The following SHROOM3 variants were observed in gnomAD, a reference collection of about 807,000 sequenced individuals.
The protein encoded by SHROOM3 is protein Shroom3.
A neutral mutation model predicts 138.6 loss-of-function variants in SHROOM3; 47 were observed. The ratio of observed to expected loss-of-function variants is 0.34; its 90% confidence interval spans 0.27 to 0.43. The LOEUF is 0.43. Among genes scored for constraint, SHROOM3 ranks in the 20% least tolerant of loss-of-function variants. The pLI is 1.00. For synonymous variants in SHROOM3, 1,062 were observed against 1,063.3 expected, an observed-to-expected ratio of 1.00 and a Z score of 0.02; for missense variants, 2,491 against 2,596.5, an observed-to-expected ratio of 0.96 and a Z score of 0.88.
At chr4:76,585,249 AT>A (rs1417846533) in intron 2 of SHROOM3, among the ~76,000 whole-genome samples, 2 of 152,250 alleles carry the variant, frequency 1.3e-5, no homozygotes, top group African/African-American at 4.8e-5. Flanking sequence ...GTGCCTAAAA[AT>A]AACCTGCAAA....
At chr4:76,765,341 C>T (rs1722118309) in intron 9 of SHROOM3, among the ~76,000 whole-genome samples, 1 of 148,446 alleles carries the variant, frequency 6.7e-6, no homozygotes, top group Non-Finnish European at 1.5e-5. Context: ...ATGGTGAAAC[C>T]CCATCTCTAC....
chr4:76,479,916 C>T (rs899272040), intron 1 of SHROOM3, among the ~76,000 whole-genome samples: 4 of 152,244 alleles, frequency 2.6e-5, no homozygotes, highest in South Asian at 4.2e-4. Context: ...CCTTTACAGA[C>T]GAGCAACTGC....
chr4:76,672,757 A>G (rs747694954), intron 2 of SHROOM3, among the ~76,000 whole-genome samples: 1 of 152,094 alleles, frequency 6.6e-6, no homozygotes, highest in East Asian at 1.9e-4. Flanking sequence ...TATTTTTAGT[A>G]AAGACAGGGT....
intron 2 of SHROOM3, among the ~76,000 whole-genome samples, chr4:76,662,939 G>A (rs1337850211): frequency 6.6e-6 from 1 of 151,364 alleles, no homozygotes; most frequent in Non-Finnish European, 1.5e-5. Context: ...GGGAGAGGGA[G>A]GGAGAGAGGG....
chr4:76,523,901 G>A (rs944690305), intron 1 of SHROOM3, among the ~76,000 whole-genome samples: 5 of 152,224 alleles, frequency 3.3e-5, no homozygotes, highest in Non-Finnish European at 5.9e-5. Context: ...GCTGGAGAGA[G>A]GCAGGAAGCC....
At chr4:76,565,767 CAG>C (rs1472993716) in intron 2 of SHROOM3, among the ~76,000 whole-genome samples, 5 of 152,140 alleles carry the variant, frequency 3.3e-5, no homozygotes, top group Admixed American at 6.5e-5. Context: ...AGTCCAGCCT[CAG>C]AGAGTCTAAT....
At chr4:76,708,238 A>T (rs1234394839) in intron 2 of SHROOM3, among the ~76,000 whole-genome samples, 1 of 152,120 alleles carries the variant, frequency 6.6e-6, no homozygotes, top group African/African-American at 2.4e-5. Flanking sequence ...TCATGCTTCC[A>T]TCTCTTTCTG....
chr4:76,585,487 C>A (rs952237957), intron 2 of SHROOM3, among the ~76,000 whole-genome samples: 3 of 152,140 alleles, frequency 2.0e-5, no homozygotes, highest in Admixed American at 2.0e-4. Flanking sequence ...AAATACCAAA[C>A]TTGAATCAAG....
At chr4:76,770,510 G>A in intron 9 of SHROOM3, 116 bp from the exon 10 acceptor site, 5 of 1,223,862 alleles carry the variant, frequency 4.1e-6, no homozygotes, top group Non-Finnish European at 4.7e-6. Context: ...ATATAGAGAA[G>A]GGGGAGGATA....
intron 9 of SHROOM3, among the ~76,000 whole-genome samples, chr4:76,761,489 GC>G (rs1156764156): frequency 1.3e-5 from 2 of 152,120 alleles, no homozygotes; most frequent in Non-Finnish European, 2.9e-5. Flanking sequence ...CACATTTTAT[GC>G]TAATCAGAAT....
rs1721217381 is a variant in SHROOM3, at chr4:76,740,613, A to T, written c.2440A>T (p.Thr814Ser). The T allele has an allele frequency of 1.2e-6, 2 of 1,614,048 alleles. No homozygotes were observed. The highest frequency in any genetic ancestry group is 3.3e-5 in the Admixed American group (2 of 60,012). Reference protein sequence around the residue: ...GFGHNYRPHRTVSTSSTSGND... With the variant: ...GFGHNYRPHRSVSTSSTSGND... ...TGGCCATAACTATAGGCCCCACAGG[A>T]CCGTCTCAACTTCCAGTACTTCTGG... The change falls in exon 5 of 11, where the codon ACC (threonine) becomes TCC (serine). Residue 814 changes from threonine to serine, a missense_variant. Thr to Ser is a moderately conservative substitution (Grantham distance 58). Transcript: ENST00000296043. This position sits in a 1 kb window ranked among gnomAD's most constrained non-coding sequence, Gnocchi z 4.0.
chr4:76,753,185 G>A (rs896024188), intron 6 of SHROOM3, among the ~76,000 whole-genome samples: 2 of 152,186 alleles, frequency 1.3e-5, no homozygotes, highest in African/African-American at 4.8e-5. Flanking sequence ...GAAAGGGACT[G>A]GTCATGGGAA....
At chr4:76,459,810 C>T (rs1236781324) in intron 1 of SHROOM3, among the ~76,000 whole-genome samples, 1 of 152,100 alleles carries the variant, frequency 6.6e-6, no homozygotes, top group African/African-American at 2.4e-5. Context: ...TGAGAAGCAG[C>T]GAGAGTGGCA....
chr4:76,608,264 G>GTT (rs1734665136), intron 2 of SHROOM3, among the ~76,000 whole-genome samples: 1 of 152,200 alleles, frequency 6.6e-6, no homozygotes, highest in Admixed American at 6.5e-5. Context: ...TCGTTCATCA[G>GTT]TGAGCCTGGT....
intron 2 of SHROOM3, among the ~76,000 whole-genome samples, chr4:76,613,847 CA>C (rs368492978): frequency 6.6e-6 from 1 of 151,966 alleles, no homozygotes; most frequent in Admixed American, 6.5e-5. Flanking sequence ...TTTTGCTCAG[CA>C]AGCCACTATA....
intron 2 of SHROOM3, among the ~76,000 whole-genome samples, chr4:76,659,541 A>AT (rs1736139244): frequency 6.6e-6 from 1 of 152,250 alleles, no homozygotes; most frequent in Non-Finnish European, 1.5e-5. Flanking sequence ...ACCAAAGTAT[A>AT]TATCAGAAAT....
Position 76,736,089 on chromosome 4 carries a change from A to C in SHROOM3, c.588-2672A>C, listed in dbSNP as rs1248526334. ...CTACCTTCATAGAAATGGTGAATGA[A>C]ACGGCCCTTATGGGGTTCCATTTCC... On this transcript the variant is annotated intron_variant, in intron 4 of 10. Coordinates refer to ENST00000296043, the MANE Select transcript of SHROOM3 (RefSeq NM_020859.4). Among the ~76,000 whole-genome samples, 4 of 150,466 alleles carry C rather than the reference A, an allele frequency of 2.7e-5. No individual in the cohort carries two copies. The East Asian group carries it at 8.0e-4, about 30-fold the overall frequency.
intron 2 of SHROOM3, among the ~76,000 whole-genome samples, chr4:76,662,368 C>G (rs1718529956): frequency 6.6e-6 from 1 of 152,152 alleles, no homozygotes; most frequent in African/African-American, 2.4e-5. Flanking sequence ...CACATGGAAC[C>G]CCACACACCC....
chr4:76,677,265 C>T (rs1017084533), intron 2 of SHROOM3, among the ~76,000 whole-genome samples: 1 of 152,082 alleles, frequency 6.6e-6, no homozygotes, highest in African/African-American at 2.4e-5. Context: ...AAACTTTGTC[C>T]TCTTATTAAA....
Sources: allele counts gnomAD v4.1 joint callset (sites outside exome capture counted in the v4.1 genomes callset), GRCh38; gene constraint gnomAD v4.1.1; non-coding constraint Gnocchi (gnomAD v3.1); transcripts MANE v1.5; gene names NCBI Gene and HGNC (gene_info 2026-07-23, HGNC 2026-07-21).